VPS13D: variants seen among roughly 807,000 people sequenced by gnomAD.
The protein encoded by VPS13D is intermembrane lipid transfer protein VPS13D.
In VPS13D, 187 loss-of-function variants were observed where a neutral mutation model predicts 461.9. The ratio of observed to expected loss-of-function variants is 0.40; its 90% CI spans 0.36 to 0.46. The LOEUF (loss-of-function observed/expected upper bound fraction) is 0.46, where lower values mean the gene tolerates loss of function less well. Ranked by LOEUF, VPS13D falls within the 20% of genes least tolerant of loss-of-function variation. The pLI is 0.60. For missense variants in VPS13D, 4,711 were observed against 5,364.9 expected, an observed-to-expected ratio of 0.88 and a Z score of 3.81; for synonymous variants, 1,951 against 1,986.3, an observed-to-expected ratio of 0.98 and a Z score of 0.47.
At chr1:12,417,422 G>A (rs532309554) in intron 65 of VPS13D, among the ~76,000 whole-genome samples, 2 of 152,338 alleles carry the variant, frequency 1.3e-5, no homozygotes, top group Admixed American at 1.3e-4. Context: ...TGGAAAAGGT[G>A]AAGCGAGTTG....
intron 13 of VPS13D, among the ~76,000 whole-genome samples, chr1:12,266,619 CTT>C (rs1300162763): frequency 1.3e-5 from 2 of 152,220 alleles, no homozygotes; most frequent in Non-Finnish European, 2.9e-5. Flanking sequence ...GTCAACATCA[CTT>C]TTCTATGCAC....
intron 18 of VPS13D, among the ~76,000 whole-genome samples, chr1:12,275,557 G>A (rs923168580): frequency 2.6e-5 from 4 of 152,346 alleles, no homozygotes; most frequent in Middle Eastern, 3.4e-3. Context: ...TGGGGAGGCA[G>A]CATTGGGTCA....
In VPS13D at chr1:12,333,372, T is replaced by G. The variant is rs1336521837; in HGVS notation, c.8428+6T>G. 6.2e-7 allele frequency: 1 copy of G among 1,613,672 alleles called. No individual in the cohort carries two copies. The highest frequency in any genetic ancestry group is 1.3e-5 in the African/African-American group (1 of 74,886). On this transcript the variant is annotated splice_donor_region_variant and intron_variant, in intron 38 of 69. Coordinates refer to ENST00000620676, the MANE Select transcript of VPS13D (RefSeq NM_015378.4). ...TATCACTTCTGTGCTAATTGGTGAG[T>G]AGAAAGTTGTCTTTCATAGACTGAT... is the stretch of plus-strand genomic sequence containing the variant.
At chr1:12,493,067 T>G (rs1645905223) in intron 67 of VPS13D, among the ~76,000 whole-genome samples, 1 of 144,332 alleles carries the variant, frequency 6.9e-6, no homozygotes, top group Non-Finnish European at 1.5e-5. Flanking sequence ...GATTGAGTGA[T>G]GGAGTTTTTT....
intron 13 of VPS13D, among the ~76,000 whole-genome samples, chr1:12,263,288 A>G (rs569966386): frequency 3.3e-5 from 5 of 152,322 alleles, no homozygotes; most frequent in African/African-American, 1.2e-4. Flanking sequence ...ATAGAAGACC[A>G]TGGGAGGGAT....
chr1:12,458,798 T>G (rs1645365452), intron 66 of VPS13D, among the ~76,000 whole-genome samples: 1 of 152,222 alleles, frequency 6.6e-6, no homozygotes. Context: ...CTAGACGGGC[T>G]GCCTCTTCCC....
At chr1:12,273,885 CAT>C (rs1569766009) in intron 18 of VPS13D, among the ~76,000 whole-genome samples, 1 of 151,992 alleles carries the variant, frequency 6.6e-6, no homozygotes, top group African/African-American at 2.4e-5. Flanking sequence ...TTTGTATAAA[CAT>C]ATATTTTCTT....
chr1:12,353,792 C>T (rs1321061445), intron 46 of VPS13D, among the ~76,000 whole-genome samples, 182 bp from the exon 47 acceptor site: 1 of 151,994 alleles, frequency 6.6e-6, no homozygotes, highest in Non-Finnish European at 1.5e-5. Context: ...TCAAACTGAA[C>T]ATTTAAAATC....
At chr1:12,405,046 A>G (rs923198371) in intron 63 of VPS13D, among the ~76,000 whole-genome samples, 9 of 152,234 alleles carry the variant, frequency 5.9e-5, no homozygotes, top group African/African-American at 2.2e-4. Flanking sequence ...AGATATGAGC[A>G]GATAAGAAGT....
At chr1:12,358,403 G>T in intron 49 of VPS13D, 56 bp from the exon 50 acceptor site, 1 of 1,600,020 alleles carries the variant, frequency 6.2e-7, no homozygotes, top group Non-Finnish European at 8.5e-7. Flanking sequence ...ATTAGAACAG[G>T]CAGATAAGAC....
At chr1:12,327,099 C>A (rs1643210167) in intron 35 of VPS13D, among the ~76,000 whole-genome samples, 2 of 152,236 alleles carry the variant, frequency 1.3e-5, no homozygotes, top group Non-Finnish European at 2.9e-5. Context: ...ATTCTTCCCT[C>A]TTCCTGTCAG....
Position 12,287,769 on chromosome 1 carries a change from C to T in VPS13D, c.5635-454C>T, listed in dbSNP as rs191727385. On this transcript the variant is annotated intron_variant, in intron 21 of 69. Coordinates refer to ENST00000620676, the MANE Select transcript of VPS13D (RefSeq NM_015378.4). The stretch of plus-strand genomic sequence containing the variant: ...TTTGATTATGGCTTTTAGGTGAAGT[C>T]TCAGTTGGTTAATGGTGGGCTTCTA... 5.9e-5 allele frequency among the ~76,000 whole-genome samples: 9 copies of T among 152,150 alleles called. No individual in the cohort carries two copies. The East Asian group carries it at 1.4e-3, about 23-fold the overall frequency.
chr1:12,392,715 C>T (rs1644444260), intron 60 of VPS13D, among the ~76,000 whole-genome samples: 1 of 152,092 alleles, frequency 6.6e-6, no homozygotes, highest in Non-Finnish European at 1.5e-5. Context: ...CAGGGCCTTC[C>T]TCCAAAATCC....
intron 67 of VPS13D, among the ~76,000 whole-genome samples, chr1:12,481,948 C>G (rs939837927): frequency 6.6e-6 from 1 of 152,204 alleles, no homozygotes; most frequent in African/African-American, 2.4e-5. Context: ...AGGGAGAGTG[C>G]TGAGCACCTG....
rs1646044285 is a variant in VPS13D, at chr1:12,502,191, G to A, written c.12794+4560G>A. On this transcript the variant is annotated intron_variant, in intron 68 of 69. Coordinates refer to ENST00000620676, the MANE Select transcript of VPS13D (RefSeq NM_015378.4). This position sits in a 1 kb window ranked among gnomAD's most constrained non-coding sequence, Gnocchi z 4.3. ...CAGCAGGTAGAGAGACTGAAGGCAG[G>A]AAGCCAGTTAGGAGGCCCGTGGGAT... is the stretch of plus-strand genomic sequence containing the variant. Among the ~76,000 whole-genome samples the A allele has an allele frequency of 6.6e-6, 1 of 152,220 alleles. No homozygotes were observed. The highest frequency in any genetic ancestry group is 6.5e-5 in the Admixed American group (1 of 15,290).
rs138533983 is a variant in VPS13D, at chr1:12,379,546, A to G, written c.11140A>G (p.Ser3714Gly). The G allele has an allele frequency of 5.0e-6, 8 of 1,613,670 alleles. No individual in the cohort carries two copies. In the East Asian group the frequency reaches 6.7e-5, roughly 13 times the overall value. The change falls in exon 57 of 70, where the codon AGT becomes GGT. Residue 3714 changes from serine (S) to glycine (G), a missense_variant. Ser to Gly is a moderately conservative substitution (Grantham distance 56). Around this residue, in one of 3 missense-constraint regions of VPS13D, gnomAD observed 4,411 missense variants for 4,937.8 expected, o/e 0.89. Transcript: ENST00000620676. Reference sequence around the variant, plus strand: ...CAGGCGAAGCACAACTCAGACGTGGAGTTTCCGAGAAGGAAAACTGACCTG... The same window carrying G: ...CAGGCGAAGCACAACTCAGACGTGGGGTTTCCGAGAAGGAAAACTGACCTG... ...DRRRSTTQTW[S>G]FREGKLTCGL...
intron 65 of VPS13D, among the ~76,000 whole-genome samples, chr1:12,424,960 T>C (rs1362533410): frequency 6.6e-6 from 1 of 152,180 alleles, no homozygotes; most frequent in Non-Finnish European, 1.5e-5. Flanking sequence ...AAAGGAATCA[T>C]GTGTTCAAGC....
Position 12,385,244 on chromosome 1 carries a change from TTTTA to T in VPS13D, c.11371-12_11371-9del. 8.1e-6 allele frequency: 13 copies of T among 1,605,390 alleles called. No individual in the cohort carries two copies. The highest frequency in any genetic ancestry group is 1.1e-5 in the Non-Finnish European group (13 of 1,172,662). The stretch of plus-strand genomic sequence containing the variant: ...AAGAGTGAATCATCTTCTTGTGGTG[TTTTA>T]TTTGACTTCAGATAACAGATTTCTG... On this transcript the variant is annotated splice_polypyrimidine_tract_variant and intron_variant, in intron 58 of 69. Coordinates refer to ENST00000620676, the MANE Select transcript of VPS13D (RefSeq NM_015378.4).
At chr1:12,479,018 G>A (rs906950639) in intron 67 of VPS13D, 6 of 401,052 alleles carry the variant, frequency 1.5e-5, no homozygotes, top group African/African-American at 8.2e-5. Context: ...CAGGTGGAAG[G>A]CCGCCCCACG....
Sources: allele counts gnomAD v4.1 joint callset (sites outside exome capture counted in the v4.1 genomes callset), GRCh38; gene constraint gnomAD v4.1.1; regional missense constraint gnomAD v4.1.1; non-coding constraint Gnocchi (gnomAD v3.1); transcripts MANE v1.5; gene names NCBI Gene and HGNC (gene_info 2026-07-23, HGNC 2026-07-21).